The following FNDC3B variants were observed in gnomAD, a reference collection of about 807,000 sequenced individuals.
The protein encoded by FNDC3B is fibronectin type III domain containing 3B, also known as fibronectin type III domain-containing protein 3B.
A neutral mutation model predicts 151.5 loss-of-function variants in FNDC3B; 12 were observed. That is an observed-to-expected ratio of 0.08 (90% confidence interval 0.05 to 0.13). FNDC3B has a LOEUF of 0.13. Among genes scored for constraint, FNDC3B ranks in the 10% least tolerant of loss-of-function variants. The pLI is 1.00. For missense variants in FNDC3B, 1,214 were observed against 1,505.3 expected (o/e 0.81, Z 3.20); for synonymous variants, 528 against 549.0 (o/e 0.96, Z 0.54).
At chr3:172,342,886 C>G in intron 17 of FNDC3B, 125 bp from the exon 18 acceptor site, 1 of 600,046 alleles carries the variant, frequency 1.7e-6, no homozygotes, top group African/African-American at 1.8e-5. Flanking sequence ...ATAATGTGCA[C>G]ACATTTAGTG....
intron 1 of FNDC3B, among the ~76,000 whole-genome samples, chr3:172,095,344 G>A (rs1719044809): frequency 6.6e-6 from 1 of 152,160 alleles, no homozygotes; most frequent in Non-Finnish European, 1.5e-5. Flanking sequence ...GGGATTCTGT[G>A]GTATATTCTG....
chr3:172,374,071 C>T (rs1735006470), intron 23 of FNDC3B, among the ~76,000 whole-genome samples: 1 of 152,180 alleles, frequency 6.6e-6, no homozygotes, highest in Admixed American at 6.5e-5. Flanking sequence ...ATTCAGACCT[C>T]ACCAGTGTGT....
chr3:172,344,880 T>A (rs1211108355), intron 19 of FNDC3B, among the ~76,000 whole-genome samples: 1 of 152,190 alleles, frequency 6.6e-6, no homozygotes, highest in Non-Finnish European at 1.5e-5. Context: ...AGATGAATAA[T>A]GAGCAGTGGG....
intron 3 of FNDC3B, among the ~76,000 whole-genome samples, chr3:172,201,750 A>G (rs1446835881): frequency 1.3e-5 from 2 of 152,210 alleles, no homozygotes; most frequent in Admixed American, 6.5e-5. Context: ...AATAGCCTTC[A>G]TGTTTTCATG....
chr3:172,110,683 C>G (rs1719913653), intron 1 of FNDC3B, among the ~76,000 whole-genome samples: 3 of 151,966 alleles, frequency 2.0e-5, no homozygotes, highest in Admixed American at 2.0e-4. Context: ...GAGCCACAGT[C>G]TGCACCACAG....
intron 23 of FNDC3B, among the ~76,000 whole-genome samples, chr3:172,365,790 GTTC>G (rs1734592856): frequency 6.6e-6 from 1 of 152,178 alleles, no homozygotes. Flanking sequence ...CTGTTTAAGT[GTTC>G]TTCTTAACAC....
intron 19 of FNDC3B, among the ~76,000 whole-genome samples, chr3:172,345,416 T>C (rs900033902): frequency 1.3e-5 from 2 of 152,184 alleles, no homozygotes; most frequent in Non-Finnish European, 1.5e-5. Flanking sequence ...TTCTCAGCCC[T>C]TTCACTGATT....
chr3:172,289,823 G>C (rs575350592), intron 7 of FNDC3B, among the ~76,000 whole-genome samples: 1 of 152,194 alleles, frequency 6.6e-6, no homozygotes, highest in Non-Finnish European at 1.5e-5. Context: ...TGGCACTCTG[G>C]GTTGGGACTT....
intron 23 of FNDC3B, among the ~76,000 whole-genome samples, chr3:172,370,019 T>C (rs1319385976): frequency 6.6e-6 from 1 of 152,132 alleles, no homozygotes; most frequent in Non-Finnish European, 1.5e-5. Flanking sequence ...ATTTGTGATA[T>C]TGTGAAACAT....
chr3:172,222,964 A>G (rs9861784), intron 3 of FNDC3B, among the ~76,000 whole-genome samples: 39 of 152,284 alleles, frequency 2.6e-4, no homozygotes, highest in African/African-American at 9.4e-4. Context: ...TGTCTCTTTG[A>G]TGTGTGAATA....
intron 3 of FNDC3B, among the ~76,000 whole-genome samples, chr3:172,156,960 A>G (rs1328337092): frequency 6.6e-6 from 1 of 152,214 alleles, no homozygotes; most frequent in East Asian, 1.9e-4. Context: ...GCTTTTAAGT[A>G]TAAACCTAAT....
chr3:172,310,715 C>A, intron 10 of FNDC3B, 113 bp from the exon 11 acceptor site: 1 of 805,046 alleles, frequency 1.2e-6, no homozygotes, highest in Non-Finnish European at 2.2e-6. Context: ...AGCTTTATCC[C>A]CCTGAGGGGA....
intron 6 of FNDC3B, among the ~76,000 whole-genome samples, chr3:172,271,726 C>T (rs1307711348): frequency 2.0e-5 from 3 of 152,140 alleles, no homozygotes; most frequent in South Asian, 2.1e-4. Context: ...ATCAGAAAGC[C>T]GTGCAGACGT....
In FNDC3B at chr3:172,352,119, A is replaced by T. The variant is rs1447542431; in HGVS notation, c.2515-684A>T. On this transcript the variant is annotated intron_variant, in intron 21 of 25. Coordinates refer to ENST00000415807, the MANE Select transcript of FNDC3B (RefSeq NM_022763.4). The surrounding 1 kb of genome is among the most constrained non-coding windows in gnomAD (Gnocchi z 4.2). ...CTCACCAGCGTTAAGAGTTCAGGGG[A>T]TGGTGGCAACCAGGAAAGGTGATTG... Among the ~76,000 whole-genome samples, 3 of 152,146 alleles carry T rather than the reference A, an allele frequency of 2.0e-5. No individual in the cohort carries two copies. Among genetic ancestry groups the T allele is most frequent in the Non-Finnish European group, 4.4e-5 (3 of 68,028 alleles).
At chr3:172,280,407 C>T (rs1300281513) in intron 6 of FNDC3B, among the ~76,000 whole-genome samples, 1 of 152,122 alleles carries the variant, frequency 6.6e-6, no homozygotes, top group African/African-American at 2.4e-5. Flanking sequence ...TGGCTTTAGG[C>T]TTCTTATCTC....
At chr3:172,078,045 A>G (rs572281670) in intron 1 of FNDC3B, among the ~76,000 whole-genome samples, 21 of 152,184 alleles carry the variant, frequency 1.4e-4, no homozygotes, top group Middle Eastern at 3.4e-3. Flanking sequence ...GTAGGGGCCA[A>G]TCTCTGCTCA....
At chr3:172,104,763 G>A (rs967431900) in intron 1 of FNDC3B, among the ~76,000 whole-genome samples, 3 of 152,188 alleles carry the variant, frequency 2.0e-5, no homozygotes, top group Non-Finnish European at 4.4e-5. Context: ...TGTGTTGATG[G>A]ATGAGCAGAT....
intron 20 of FNDC3B, 99 bp from the exon 21 acceptor site, chr3:172,347,113 G>A (rs1035732921): frequency 3.0e-6 from 3 of 1,002,798 alleles, no homozygotes; most frequent in African/African-American, 1.6e-5. Flanking sequence ...ATATTCTGGG[G>A]CATGTTGCTC....
intron 10 of FNDC3B, among the ~76,000 whole-genome samples, chr3:172,308,636 T>C (rs2108247057): frequency 6.6e-6 from 1 of 152,336 alleles, no homozygotes; most frequent in East Asian, 1.9e-4. Flanking sequence ...AGCTGCATTC[T>C]CATAGCCAGT....
Sources: gnomAD v4.1 joint callset for allele counts (sites outside exome capture counted in the v4.1 genomes callset) on GRCh38, gnomAD v4.1.1 for gene constraint, Gnocchi (gnomAD v3.1) non-coding constraint, MANE v1.5 for transcripts, NCBI Gene and HGNC (gene_info 2026-07-23, HGNC 2026-07-21) for gene names.